Variants in SLC35F4 observed in about 807,000 individuals in gnomAD.
SLC35F4 encodes the protein solute carrier family 35 member F4.
SLC35F4 carries 24 observed loss-of-function variants against 44.2 expected under a neutral mutation model. The ratio of observed to expected loss-of-function variants is 0.54; its 90% confidence interval spans 0.39 to 0.76. The LOEUF (loss-of-function observed/expected upper bound fraction) is 0.76, where lower values mean the gene tolerates loss of function less well. SLC35F4 is among the 30% of genes least tolerant of loss of function. The pLI is 0.00. For synonymous variants in SLC35F4, 238 were observed against 223.6 expected, an observed-to-expected ratio of 1.06 and a Z score of -0.57; for missense variants, 562 against 586.1, an observed-to-expected ratio of 0.96 and a Z score of 0.42.
At chr14:57,775,760 G>A (rs917469202) in intron 1 of SLC35F4, among the ~76,000 whole-genome samples, 1 of 152,240 alleles carries the variant, frequency 6.6e-6, no homozygotes, top group Non-Finnish European at 1.5e-5. Flanking sequence ...TTCTCCAAAT[G>A]ATTGCACTCG....
intron 1 of SLC35F4, among the ~76,000 whole-genome samples, chr14:57,654,225 TTTGTGCACCCATC>T (rs898410860): frequency 3.3e-5 from 5 of 152,156 alleles, no homozygotes; most frequent in Admixed American, 6.5e-5. Context: ...TTCTGGGGTT[TTTGTGCACCCATC>T]ACCCAAGCAG....
At chr14:57,900,642 G>C (rs972259545) in intron 1 of SLC35F4, among the ~76,000 whole-genome samples, 1 of 152,150 alleles carries the variant, frequency 6.6e-6, no homozygotes, top group African/African-American at 2.4e-5. Context: ...TGACAAAAAT[G>C]CCAAAAGCAA....
intron 1 of SLC35F4, among the ~76,000 whole-genome samples, chr14:57,792,980 TA>T (rs576326784): frequency 7.2e-5 from 11 of 152,036 alleles, no homozygotes; most frequent in Non-Finnish European, 1.6e-4. Context: ...TGGAATACAT[TA>T]AAAAAACTTT....
chr14:57,829,164 A>G (rs577709576), intron 1 of SLC35F4, among the ~76,000 whole-genome samples: 1 of 152,366 alleles, frequency 6.6e-6, no homozygotes, highest in South Asian at 2.1e-4. Flanking sequence ...TGTTAGAGGC[A>G]TTCAGAACAG....
intron 1 of SLC35F4, among the ~76,000 whole-genome samples, chr14:57,652,744 A>G (rs1379959300): frequency 1.3e-5 from 2 of 152,176 alleles, no homozygotes; most frequent in African/African-American, 4.8e-5. Context: ...ACTATCTTGC[A>G]CAAAATGTCA....
intron 1 of SLC35F4, among the ~76,000 whole-genome samples, chr14:57,633,778 G>A (rs2072897551): frequency 6.6e-6 from 1 of 152,078 alleles, no homozygotes. Flanking sequence ...AAACCATGTA[G>A]TATATAACAT....
chr14:57,612,209 C>T (rs2071554213), intron 1 of SLC35F4, among the ~76,000 whole-genome samples: 1 of 152,030 alleles, frequency 6.6e-6, no homozygotes, highest in African/African-American at 2.4e-5. Flanking sequence ...TATGATTGTG[C>T]CACTGCCCTC....
At chr14:57,726,048 T>G (rs1413604017) in intron 1 of SLC35F4, among the ~76,000 whole-genome samples, 1 of 152,216 alleles carries the variant, frequency 6.6e-6, no homozygotes, top group Non-Finnish European at 1.5e-5. Flanking sequence ...CCTCTTACCT[T>G]TAAGTCAACA....
intron 1 of SLC35F4, among the ~76,000 whole-genome samples, chr14:57,887,821 C>T (rs1888682402): frequency 1.3e-5 from 2 of 152,200 alleles, no homozygotes; most frequent in Admixed American, 6.5e-5. Context: ...AAAGTCATGC[C>T]TAACTGTGAA....
At chr14:57,580,137 T>C (rs186106523) in intron 4 of SLC35F4, among the ~76,000 whole-genome samples, 157 of 152,346 alleles carry the variant, frequency 1.0e-3, no homozygotes, top group African/African-American at 3.6e-3. Context: ...AACTTTCTAC[T>C]TATTAATATG....
At chr14:57,587,127 T>C (rs2069807289) in intron 3 of SLC35F4, among the ~76,000 whole-genome samples, 1 of 152,174 alleles carries the variant, frequency 6.6e-6, no homozygotes. Flanking sequence ...AAACAACAGA[T>C]GCAGGAGAGG....
intron 1 of SLC35F4, among the ~76,000 whole-genome samples, chr14:57,632,063 T>C (rs2072801630): frequency 6.6e-6 from 1 of 152,154 alleles, no homozygotes; most frequent in African/African-American, 2.4e-5. Flanking sequence ...GTATATTTGA[T>C]AGTATTTCTA....
intron 1 of SLC35F4, among the ~76,000 whole-genome samples, chr14:57,981,491 G>A (rs1000134108): frequency 1.3e-4 from 20 of 152,198 alleles, no homozygotes; most frequent in Middle Eastern, 3.4e-3. Flanking sequence ...ATGGGATTTC[G>A]TAGCCATGTA....
chr14:57,762,051 A>G (rs2077137049), intron 1 of SLC35F4, among the ~76,000 whole-genome samples: 2 of 152,146 alleles, frequency 1.3e-5, no homozygotes, highest in South Asian at 2.1e-4. Context: ...AAACACCCCT[A>G]CTCCCGGTGA....
chr14:57,904,441 G>A (rs1034234424), intron 1 of SLC35F4, among the ~76,000 whole-genome samples: 7 of 152,202 alleles, frequency 4.6e-5, no homozygotes, highest in Admixed American at 6.5e-5. Context: ...GGACTCCCAT[G>A]TTCCACTCCA....
chr14:57,851,767 G>C (rs930439871), intron 1 of SLC35F4, among the ~76,000 whole-genome samples: 1 of 152,136 alleles, frequency 6.6e-6, no homozygotes, highest in Non-Finnish European at 1.5e-5. Flanking sequence ...ATAAAATCTA[G>C]AGTTTAATTA....
chr14:57,593,024 G>T (rs2070285330), intron 2 of SLC35F4, among the ~76,000 whole-genome samples: 1 of 152,176 alleles, frequency 6.6e-6, no homozygotes, highest in Admixed American at 6.5e-5. Flanking sequence ...ATGGACACAG[G>T]TAGGGGGCTA....
At chr14:57,742,678 A>C (rs927220321) in intron 1 of SLC35F4, among the ~76,000 whole-genome samples, 1 of 152,188 alleles carries the variant, frequency 6.6e-6, no homozygotes, top group Non-Finnish European at 1.5e-5. Flanking sequence ...ACAGAAATTT[A>C]AAAAGGATAT....
chr14:57,652,591 G>C (rs981412463), intron 1 of SLC35F4, among the ~76,000 whole-genome samples: 7 of 152,134 alleles, frequency 4.6e-5, no homozygotes, highest in Non-Finnish European at 7.3e-5. Context: ...ACAGAGGCCA[G>C]GGATGCTGCT....
Sources: gnomAD v4.1 joint callset for allele counts (sites outside exome capture counted in the v4.1 genomes callset) on GRCh38, gnomAD v4.1.1 for gene constraint, MANE v1.5 for transcripts, NCBI Gene and HGNC (gene_info 2026-07-23, HGNC 2026-07-21) for gene names.